LIPF: variants seen among roughly 807,000 people sequenced by gnomAD.
The protein encoded by LIPF is lipase F, gastric type, also known as gastric triacylglycerol lipase.
LIPF carries 25 observed loss-of-function variants against 38.0 expected under a neutral mutation model. That is an observed-to-expected ratio of 0.66 (90% CI 0.48 to 0.92). The LOEUF (loss-of-function observed/expected upper bound fraction) is 0.92, where lower values mean the gene tolerates loss of function less well. LIPF is among the 40% of genes least tolerant of loss of function. The pLI, the probability that LIPF is intolerant of heterozygous loss-of-function variation, is 0.00. For missense variants in LIPF, 410 were observed against 469.9 expected, an observed-to-expected ratio of 0.87 and a Z score of 1.18; for synonymous variants, 161 against 156.2, an observed-to-expected ratio of 1.03 and a Z score of -0.23.
At chr10:88,675,831 T>A (rs860081) in intron 8 of LIPF, among the ~76,000 whole-genome samples, 174 bp downstream of exon 8, 1,785 of 148,114 alleles carry the variant, frequency 0.012, 22 homozygotes, top group Non-Finnish European at 0.021. Flanking sequence ...ATGCTTTTTA[T>A]TTTATTTTAT....
chr10:88,672,732 T>C (rs1841623519), intron 6 of LIPF, among the ~76,000 whole-genome samples: 1 of 151,620 alleles, frequency 6.6e-6, no homozygotes, highest in Admixed American at 6.6e-5. Context: ...TTATAAAATA[T>C]AAGGATTCCA....
intron 7 of LIPF, among the ~76,000 whole-genome samples, chr10:88,674,840 A>C (rs1386833647): frequency 1.3e-5 from 2 of 152,208 alleles, no homozygotes; most frequent in Non-Finnish European, 2.9e-5. Flanking sequence ...AGAAGGTATA[A>C]TTCTATGAAG....
At chr10:88,678,204 A>G (rs1352485040) in intron 9 of LIPF, among the ~76,000 whole-genome samples, 3 of 152,240 alleles carry the variant, frequency 2.0e-5, no homozygotes, top group African/African-American at 7.2e-5. Flanking sequence ...CTACTGAAAC[A>G]GAATTTTTAC....
At chr10:88,671,494 T>A (rs1476457981) in intron 5 of LIPF, among the ~76,000 whole-genome samples, 1 of 152,204 alleles carries the variant, frequency 6.6e-6, no homozygotes, top group East Asian at 1.9e-4. Context: ...GAGATACATT[T>A]AAATTCATAA....
intron 8 of LIPF, 117 bp downstream of exon 8, chr10:88,675,774 A>T: frequency 1.7e-6 from 1 of 597,158 alleles, no homozygotes; most frequent in Non-Finnish European, 3.0e-6. Context: ...TTTTTCTGGC[A>T]CTGACTACCA....
At chr10:88,673,491 C>A in intron 6 of LIPF, 97 bp from the exon 7 acceptor site, 1 of 883,650 alleles carries the variant, frequency 1.1e-6, no homozygotes, top group Non-Finnish European at 1.8e-6. Flanking sequence ...AATATATCAT[C>A]ATCCTCATCA....
At chr10:88,676,944 T>C (rs918718622) in intron 9 of LIPF, among the ~76,000 whole-genome samples, 1 of 152,206 alleles carries the variant, frequency 6.6e-6, no homozygotes, top group Non-Finnish European at 1.5e-5. Context: ...ATAATATCTA[T>C]AAGCTCTTAG....
At chr10:88,670,028 C>A in intron 5 of LIPF, 82 bp downstream of exon 5, 2 of 796,966 alleles carry the variant, frequency 2.5e-6, no homozygotes, top group Non-Finnish European at 4.3e-6. Flanking sequence ...TTAGCAACCA[C>A]ACTAATTGCT....
At chr10:88,665,284 C>T (rs1841494090) in intron 1 of LIPF, among the ~76,000 whole-genome samples, 1 of 152,080 alleles carries the variant, frequency 6.6e-6, no homozygotes, top group Non-Finnish European at 1.5e-5. Context: ...TTATGAGATG[C>T]CCAGCATGTT....
At chr10:88,677,040 T>G (rs1045064078) in intron 9 of LIPF, among the ~76,000 whole-genome samples, 1 of 152,172 alleles carries the variant, frequency 6.6e-6, no homozygotes, top group Non-Finnish European at 1.5e-5. Context: ...CTTCTTCCTT[T>G]TCACCACATC....
chr10:88,676,512 G>C (rs1019232320), intron 9 of LIPF, among the ~76,000 whole-genome samples: 2 of 152,074 alleles, frequency 1.3e-5, no homozygotes, highest in Admixed American at 1.3e-4. Context: ...AGACTTCCCA[G>C]GACTTACCAC....
intron 1 of LIPF, chr10:88,665,635 A>G: frequency 9.1e-7 from 1 of 1,096,706 alleles, no homozygotes; most frequent in Non-Finnish European, 1.3e-6. Context: ...TGTTTGATGA[A>G]AGCCTCTGGT....
chr10:88,670,513 T>C (rs1841579225), intron 5 of LIPF, among the ~76,000 whole-genome samples: 1 of 152,292 alleles, frequency 6.6e-6, no homozygotes, highest in African/African-American at 2.4e-5. Flanking sequence ...AAAGTCATGA[T>C]GAAGGTCAGA....
Position 88,669,602 on chromosome 10 carries a change from A to T in LIPF, c.423-235A>T, listed in dbSNP as rs17287037. 689 of 354,422 alleles carry T rather than the reference A, an allele frequency of 1.9e-3. 5 individuals carry two copies. The highest frequency in any genetic ancestry group is 0.013 in the African/African-American group (625 of 48,562). The allele number at this position is 354,422 out of a possible 1,614,324, so 22.0% of individuals were successfully genotyped here. A position where few individuals can be genotyped will look rare whatever the true frequency, so the allele number is the denominator to read the frequency against. The stretch of plus-strand genomic sequence containing the variant: ...GGATAGAAATAATTCCCACCTACAG[A>T]TACTATCTTGTTTGGATTCAATTGT... On this transcript the variant is annotated intron_variant, in intron 4 of 9. Transcript: ENST00000238983.
chr10:88,672,670 A>ACACTCT (rs869259093), intron 6 of LIPF, among the ~76,000 whole-genome samples: 12 of 110,554 alleles, frequency 1.1e-4, no homozygotes, highest in African/African-American at 4.1e-4. Flanking sequence ...ACACACACAC[A>ACACTCT]CTCTCTCTCT....
In LIPF at chr10:88,671,813, C is replaced by T. The variant is rs184062455; in HGVS notation, c.533-16C>T. 6 of 1,604,366 alleles carry T rather than the reference C, an allele frequency of 3.7e-6. No homozygotes were observed. Among genetic ancestry groups the T allele is most frequent in the East Asian group, 4.5e-5 (2 of 44,778 alleles). ...CACACACACACCTTTTTCACCAGTT[C>T]CTTGTTCTTTTTCAGGTTTTATTGC... On this transcript the variant is annotated splice_polypyrimidine_tract_variant and intron_variant, in intron 5 of 9. Coordinates refer to ENST00000238983, the MANE Select transcript of LIPF (RefSeq NM_004190.4).
At position 88,678,461 on chromosome 10, in the gene LIPF, A is replaced by G. The variant is rs1166039700; in HGVS notation, c.977A>G (p.Tyr326Cys). Residue 326 changes from tyrosine to cysteine, a missense_variant, in exon 10 of 10, where the codon TAC becomes TGC. Coordinates refer to ENST00000238983, the MANE Select transcript of LIPF (RefSeq NM_004190.4). ...MHYDQSQPPYYNVTAMNVPIA... is the reference protein window; with the variant it reads ...MHYDQSQPPYCNVTAMNVPIA... ...GTTTTCTAGTCCCAACCTCCCTACT[A>G]CAATGTGACAGCCATGAATGTACCA... is the stretch of plus-strand genomic sequence containing the variant. 1 of 1,613,554 alleles carries G rather than the reference A, an allele frequency of 6.2e-7. No individual in the cohort carries two copies. The highest frequency in any genetic ancestry group is 1.3e-5 in the African/African-American group (1 of 74,888).
intron 5 of LIPF, 102 bp from the exon 6 acceptor site, chr10:88,671,727 T>G (rs1841598804): frequency 3.4e-6 from 5 of 1,474,496 alleles, no homozygotes; most frequent in Middle Eastern, 1.8e-4. Context: ...TCAAACACCA[T>G]CCTTAGTAAG....
In LIPF at chr10:88,672,625, AACACACACACACAC is replaced by A. The variant is rs71471111; in HGVS notation, c.669+693_669+706del. On this transcript the variant is annotated intron_variant, in intron 6 of 9. Coordinates refer to ENST00000238983, the MANE Select transcript of LIPF (RefSeq NM_004190.4). The stretch of plus-strand genomic sequence containing the variant: ...CCTAATTCTCTCACCCAGTAAAACC[AACACACACACACAC>A]ACACACACACACACACACACACACA... 6.3e-3 allele frequency among the ~76,000 whole-genome samples: 825 copies of A among 130,932 alleles called. 9 individuals carry two copies. The highest frequency in any genetic ancestry group is 0.022 in the African/African-American group (748 of 34,558). 85.9% of individuals were successfully genotyped at this position (130,932 alleles called of 152,430 possible). A position where few individuals can be genotyped will look rare whatever the true frequency, so the allele number is the denominator to read the frequency against.
Sources: allele counts gnomAD v4.1 joint callset (sites outside exome capture counted in the v4.1 genomes callset), GRCh38; gene constraint gnomAD v4.1.1; transcripts MANE v1.5; gene names NCBI Gene and HGNC (gene_info 2026-07-23, HGNC 2026-07-21).